The following TRPV4 variants were observed in gnomAD, a reference collection of about 807,000 sequenced individuals.
TRPV4 encodes OSM9-like transient receptor potential channel 4.
Under a neutral mutation model 84.1 loss-of-function variants are expected in TRPV4, and 58 were observed. That is an observed-to-expected ratio of 0.69 (90% CI 0.56 to 0.86). TRPV4 has a LOEUF of 0.86. Ranked by LOEUF, TRPV4 falls within the 40% of genes least tolerant of loss-of-function variation. The pLI, the probability that TRPV4 is intolerant of heterozygous loss-of-function variation, is 0.00. For synonymous variants in TRPV4, 489 were observed against 500.9 expected (o/e 0.98, Z 0.32); for missense variants, 879 against 1,181.1 (o/e 0.74, Z 3.75).
chr12:109,812,510 G>A, intron 2 of TRPV4, among the ~76,000 whole-genome samples: 1 of 152,212 alleles, frequency 6.6e-6, no homozygotes. Flanking sequence ...GAGATGGATG[G>A]ATGAATAGAT....
chr12:109,796,393 T>G lies in TRPV4; in HGVS notation c.1332+132A>C. 9.9e-7 allele frequency: 1 copy of G among 1,008,404 alleles called. No homozygotes were observed. The allele number at this position is 1,008,404 out of a possible 1,614,324, so 62.5% of individuals were successfully genotyped here. ...CACTTAGTTGGCACCTTCTCTTGCA[T>G]TCAGCCAACAGACCCACCACGTTGG... On this transcript the variant is annotated intron_variant, in intron 7 of 15. Coordinates refer to ENST00000261740, the MANE Select transcript of TRPV4 (RefSeq NM_021625.5). This position sits in a 1 kb window ranked among gnomAD's most constrained non-coding sequence, Gnocchi z 4.2.
Position 109,793,933 on chromosome 12 carries a change from G to A in TRPV4, c.1581C>T (p.Thr527=), listed in dbSNP as rs114653066. 2.8e-4 allele frequency: 452 copies of A among 1,608,156 alleles called. 1 individual carries two copies. The African/African-American group carries it at 5.3e-3, about 19-fold the overall frequency. ...GGCACGGGGGCCAGGCACTTACGTT[G>A]GTGAAGAAGAACAGGACCCCAGTGA... is the stretch of plus-strand genomic sequence containing the variant. ...TLFTGVLFFF[T]NIKDLFMKKC... The change falls in exon 9 of 16, where the codon ACC becomes ACT. Residue 527 remains threonine (T), a synonymous_variant. Coordinates refer to ENST00000261740, the MANE Select transcript of TRPV4 (RefSeq NM_021625.5). The surrounding 1 kb of genome is among the most constrained non-coding windows in gnomAD (Gnocchi z 4.0).
chr12:109,821,359 G>A (rs1026791532), intron 1 of TRPV4, among the ~76,000 whole-genome samples: 1 of 152,178 alleles, frequency 6.6e-6, no homozygotes, highest in African/African-American at 2.4e-5. Flanking sequence ...CTTTGCCTAG[G>A]CTGTTCCCTC....
intron 6 of TRPV4, among the ~76,000 whole-genome samples, chr12:109,797,962 A>G (rs1376493493): frequency 3.3e-5 from 5 of 152,178 alleles, no homozygotes; most frequent in Admixed American, 6.5e-5. Context: ...GAGGTCACAC[A>G]CTGGGAAGTG....
In TRPV4 at chr12:109,792,774, G is replaced by A. The variant is rs752698798; in HGVS notation, c.1702C>T (p.Leu568=). 6.2e-6 allele frequency: 10 copies of A among 1,614,094 alleles called. No individual in the cohort carries two copies. The highest frequency in any genetic ancestry group is 8.5e-6 in the Non-Finnish European group (10 of 1,180,040). Residue 568 remains leucine, a synonymous_variant, in exon 11 of 16, where the codon CTG becomes TTG. Coordinates refer to ENST00000261740, the MANE Select transcript of TRPV4 (RefSeq NM_021625.5). ...GCCAGGTAGGCCTCGATCCCTGCCAGGTAGAGGGCTGCTGAGACGATCACC... is the reference window on the plus strand; with the variant it reads ...GCCAGGTAGGCCTCGATCCCTGCCAAGTAGAGGGCTGCTGAGACGATCACC... ...VLVIVSAALY[L]AGIEAYLAVM... is the part of the protein sequence containing the mutation.
chr12:109,814,418 T>A lies in TRPV4; in HGVS notation c.379A>T (p.Ile127Phe), dbSNP rs1367833016. 4 of 1,614,020 alleles carry A rather than the reference T, an allele frequency of 2.5e-6. No homozygotes were observed. The highest frequency in any genetic ancestry group is 3.4e-6 in the Non-Finnish European group (4 of 1,179,988). The change falls in exon 2 of 16, where the codon ATC becomes TTC. Residue 127 changes from isoleucine to phenylalanine, a missense_variant. By Grantham distance (21) the Ile-to-Phe change is conservative. Coordinates refer to ENST00000261740, the MANE Select transcript of TRPV4 (RefSeq NM_021625.5). This position sits in a 1 kb window ranked among gnomAD's most constrained non-coding sequence, Gnocchi z 5.4. ...GAAGCTAACAATACTCACTCTATGA[T>A]CTTCTTCCTCCACCTCTTGTTGTCA... Reference protein sequence around the residue: ...SSDNKRWRKKIIEKQPQSPKA... With the variant: ...SSDNKRWRKKFIEKQPQSPKA...
Position 109,786,694 on chromosome 12 carries a change from A to G in TRPV4, c.2336+16T>C, listed in dbSNP as rs1346228538. ...AGTTCCGCCCTGCCATCCTGGCCCC[A>G]CTGCCCCAGCCTCACCTGAAGCACC... On this transcript the variant is annotated intron_variant, in intron 14 of 15. Coordinates refer to ENST00000261740, the MANE Select transcript of TRPV4 (RefSeq NM_021625.5). The surrounding 1 kb of genome is among the most constrained non-coding windows in gnomAD (Gnocchi z 4.5). 2.2e-5 allele frequency: 36 copies of G among 1,613,364 alleles called. No homozygotes were observed. The highest frequency in any genetic ancestry group is 3.1e-5 in the Non-Finnish European group (36 of 1,179,984).
At chr12:109,784,860 CGTGTGTGTGTGT>C (rs58584964) in intron 14 of TRPV4, among the ~76,000 whole-genome samples, 5 of 123,794 alleles carry the variant, frequency 4.0e-5, no homozygotes, top group South Asian at 5.1e-4. Context: ...AAAAAAAAGA[CGTGTGTGTGTGT>C]GTGTGTGTGT....
In TRPV4 at chr12:109,794,435, T is replaced by A; in HGVS notation, c.1385A>T (p.Lys462Met). 7 of 1,614,034 alleles carry A rather than the reference T, an allele frequency of 4.3e-6. No homozygotes were observed. Among genetic ancestry groups the A allele is most frequent in the Non-Finnish European group, 5.9e-6 (7 of 1,179,994 alleles). The change falls in exon 8 of 16, where the codon AAG becomes ATG. Residue 462 changes from lysine (K) to methionine (M), a missense_variant. Transcript: ENST00000261740. ...VEPINELLRDKWRKFGAVSFY... is the reference protein window; with the variant it reads ...VEPINELLRDMWRKFGAVSFY... ...GGAGACGGCCCCGAACTTGCGCCACTTGTCCCGCAGCAGTTCATTGATGGG... is the reference window on the plus strand; with the variant it reads ...GGAGACGGCCCCGAACTTGCGCCACATGTCCCGCAGCAGTTCATTGATGGG...
intron 1 of TRPV4, among the ~76,000 whole-genome samples, chr12:109,825,384 C>T (rs1331602653): frequency 6.6e-6 from 1 of 151,978 alleles, no homozygotes; most frequent in East Asian, 1.9e-4. Flanking sequence ...GGAGCAAATA[C>T]AGCTTAACCC....
rs773307311 is a variant in TRPV4 at position 109,794,382 on chromosome 12, A to T, written c.1438T>A (p.Cys480Ser). 1.9e-6 allele frequency: 3 copies of T among 1,613,728 alleles called. No individual in the cohort carries two copies. The highest frequency in any genetic ancestry group is 2.5e-6 in the Non-Finnish European group (3 of 1,180,028). ...GTGAGAGTGAAGATGACCATGGCACACAGGTAGGAGACCACGTTGATGTAG... is the reference window on the plus strand; with the variant it reads ...GTGAGAGTGAAGATGACCATGGCACTCAGGTAGGAGACCACGTTGATGTAG... The part of the protein sequence containing the change: ...SFYINVVSYL[C>S]AMVIFTLTAY... Residue 480 changes from cysteine (C) to serine (S), a missense_variant, in exon 8 of 16, where the codon TGT (cysteine) becomes AGT (serine). This residue lies in a region of TRPV4 where 521 missense variants were observed against 686.6 expected (regional missense o/e 0.76). Coordinates refer to ENST00000261740, the MANE Select transcript of TRPV4 (RefSeq NM_021625.5).
chr12:109,803,045 T>C lies in TRPV4; in HGVS notation c.658A>G (p.Thr220Ala), dbSNP rs1462052703. Residue 220 changes from threonine (T) to alanine (A), a missense_variant, in exon 4 of 16, where the codon ACC becomes GCC. Thr to Ala is a moderately conservative substitution (Grantham distance 58). Transcript: ENST00000261740. ...IPVLLDIAER[T>A]GNMREFINSP... is the part of the protein sequence containing the mutation. ...TTAATGAACTCCCTCATGTTGCCGG[T>C]GCGCTCCGCGATGTCCAGCAGCACA... 2 of 1,614,178 alleles carry C rather than the reference T, an allele frequency of 1.2e-6. No homozygotes were observed. The highest frequency in any genetic ancestry group is 1.7e-6 in the Non-Finnish European group (2 of 1,180,042).
chr12:109,792,283 T>C, intron 12 of TRPV4, 80 bp downstream of exon 12: 1 of 904,910 alleles, frequency 1.1e-6, no homozygotes, highest in Non-Finnish European at 1.8e-6. Flanking sequence ...GCAAGGCTGC[T>C]ATTGTCCCCT....
intron 14 of TRPV4, among the ~76,000 whole-genome samples, chr12:109,785,175 C>T (rs1889612538): frequency 6.6e-6 from 1 of 151,986 alleles, no homozygotes; most frequent in Non-Finnish European, 1.5e-5. Context: ...GGATATGCCA[C>T]CACACCTGGC....
At position 109,811,385 on chromosome 12, in the gene TRPV4, C is replaced by T. The variant is rs969130716; in HGVS notation, c.387-2917G>A. On this transcript the variant is annotated intron_variant, in intron 2 of 15. Transcript: ENST00000261740. ...CCAAGAAACATCCACTGGCTGGGTG[C>T]GGTGGCTCACGCCTGTAATCCCAGC... is the stretch of plus-strand genomic sequence containing the variant. Among the ~76,000 whole-genome samples, 15 of 152,198 alleles carry T rather than the reference C, an allele frequency of 9.9e-5. No homozygotes were observed. The South Asian group carries it at 1.7e-3, about 17-fold the overall frequency.
chr12:109,788,334 C>T (rs537440530), intron 13 of TRPV4, 66 bp downstream of exon 13: 229 of 1,507,428 alleles, frequency 1.5e-4, no homozygotes, highest in South Asian at 5.0e-4. Flanking sequence ...GGAAGCCAGT[C>T]GGGTGGGTCT....
At position 109,783,841 on chromosome 12, in the gene TRPV4, G is replaced by A. The variant is rs555109675; in HGVS notation, c.2459-63C>T. 720 of 1,584,236 alleles carry A rather than the reference G, an allele frequency of 4.5e-4. 18 individuals are homozygous for A. In the South Asian group the frequency reaches 7.6e-3, roughly 17 times the overall value. On this transcript the variant is annotated intron_variant, in intron 15 of 15. Coordinates refer to ENST00000261740, the MANE Select transcript of TRPV4 (RefSeq NM_021625.5). The surrounding 1 kb of genome is among the most constrained non-coding windows in gnomAD (Gnocchi z 4.6). ...GGTGGAGAGAGAGCGTGCGTATATT[G>A]AGTGCCTACTGTGTACTGGGCACTC...
In TRPV4 at chr12:109,783,440, C is replaced by T. The variant is rs899661987; in HGVS notation, c.*181G>A. ...AGCAAGACAGGTGGCCGGGAGCCCC[C>T]ACCCCAGGGTGGGGAGGCAGAGCCA... On this transcript the variant is annotated 3_prime_UTR_variant, in exon 16 of 16. Coordinates refer to ENST00000261740, the MANE Select transcript of TRPV4 (RefSeq NM_021625.5). This position sits in a 1 kb window ranked among gnomAD's most constrained non-coding sequence, Gnocchi z 4.6. The T allele has an allele frequency of 3.9e-6, 3 of 779,000 alleles. No homozygotes were observed. Among genetic ancestry groups the T allele is most frequent in the Non-Finnish European group, 5.9e-6 (3 of 507,860 alleles). 48.3% of individuals were successfully genotyped at this position (779,000 alleles called of 1,614,324 possible). A position where few individuals can be genotyped will look rare whatever the true frequency, so the allele number is the denominator to read the frequency against.
chr12:109,812,576 CAA>C (rs1297175478), intron 2 of TRPV4, among the ~76,000 whole-genome samples: 1 of 151,848 alleles, frequency 6.6e-6, no homozygotes, highest in African/African-American at 2.4e-5. Context: ...ACTAAGCAAA[CAA>C]AAGAGTGAAT....
Sources: gnomAD v4.1 joint callset for allele counts (sites outside exome capture counted in the v4.1 genomes callset) on GRCh38, gnomAD v4.1.1 for gene constraint, gnomAD v4.1.1 regional missense constraint, Gnocchi (gnomAD v3.1) non-coding constraint, MANE v1.5 for transcripts, NCBI Gene and HGNC (gene_info 2026-07-23, HGNC 2026-07-21) for gene names.